The following PITPNB variants were observed in gnomAD, a reference collection of about 807,000 sequenced individuals.
PITPNB encodes phosphatidylinositol transfer protein beta.
PITPNB carries 16 observed loss-of-function variants against 45.9 expected under a neutral mutation model. The ratio of observed to expected loss-of-function variants is 0.35; its 90% CI spans 0.24 to 0.53. The LOEUF is 0.53. Among genes scored for constraint, PITPNB ranks in the 20% least tolerant of loss-of-function variants. The pLI, the probability that PITPNB is intolerant of heterozygous loss-of-function variation, is 0.93. For synonymous variants in PITPNB, 112 were observed against 108.9 expected (o/e 1.03, Z -0.18); for missense variants, 188 against 330.5 (o/e 0.57, Z 3.34).
At chr22:27,895,836 G>A (rs1051338251) in intron 6 of PITPNB, among the ~76,000 whole-genome samples, 1 of 152,150 alleles carries the variant, frequency 6.6e-6, no homozygotes, top group African/African-American at 2.4e-5. Context: ...GGTAGTTCTT[G>A]GGTGAGGTCA....
chr22:27,860,066 T>A (rs1934281651), intron 9 of PITPNB, 65 bp downstream of exon 9: 1 of 865,772 alleles, frequency 1.2e-6, no homozygotes, highest in Non-Finnish European at 2.0e-6. Flanking sequence ...AGAGAAGATA[T>A]CCCATTAATA....
chr22:27,887,936 A>G (rs1412263262), intron 7 of PITPNB, among the ~76,000 whole-genome samples: 1 of 152,086 alleles, frequency 6.6e-6, no homozygotes, highest in East Asian at 1.9e-4. Context: ...AGCAACAGAA[A>G]CCATACAGTT....
At chr22:27,914,277 C>T (rs1936015925) in intron 2 of PITPNB, 40 bp downstream of exon 2, 4 of 1,311,510 alleles carry the variant, frequency 3.0e-6, no homozygotes, top group African/African-American at 1.4e-5. Context: ...AAGTACAGTA[C>T]ATATACCAAT....
intron 11 of PITPNB, 113 bp from the exon 12 acceptor site, chr22:27,853,776 A>T: frequency 1.4e-6 from 1 of 737,170 alleles, no homozygotes; most frequent in Non-Finnish European, 2.4e-6. Flanking sequence ...CAGAAAATGT[A>T]CCCCAACTAC....
At chr22:27,900,029 C>T (rs1044633290) in intron 3 of PITPNB, among the ~76,000 whole-genome samples, 1 of 151,888 alleles carries the variant, frequency 6.6e-6, no homozygotes, top group African/African-American at 2.4e-5. Flanking sequence ...ATGGCAAAAC[C>T]CATCTCTACT....
chr22:27,893,114 C>T (rs756977624), intron 7 of PITPNB, among the ~76,000 whole-genome samples: 15 of 152,166 alleles, frequency 9.9e-5, no homozygotes, highest in Non-Finnish European at 1.8e-4. Context: ...CACGACAAAA[C>T]AAAGGGTACC....
At chr22:27,902,744 G>A (rs1935637758) in intron 3 of PITPNB, among the ~76,000 whole-genome samples, 1 of 152,136 alleles carries the variant, frequency 6.6e-6, no homozygotes, top group African/African-American at 2.4e-5. Context: ...TTAAGAGACA[G>A]GGTCTTGCTG....
At chr22:27,913,084 T>C (rs1156235897) in intron 2 of PITPNB, among the ~76,000 whole-genome samples, 1 of 151,446 alleles carries the variant, frequency 6.6e-6, no homozygotes, top group Non-Finnish European at 1.5e-5. Flanking sequence ...TTCGACAAGC[T>C]GATTCAACCA....
chr22:27,884,157 T>C (rs1214134721), intron 7 of PITPNB, among the ~76,000 whole-genome samples: 1 of 152,064 alleles, frequency 6.6e-6, no homozygotes, highest in African/African-American at 2.4e-5. Flanking sequence ...GAAGGCTGGC[T>C]GCCTGGGGCA....
intron 7 of PITPNB, among the ~76,000 whole-genome samples, chr22:27,888,408 T>C (rs1048994496): frequency 6.6e-6 from 1 of 152,230 alleles, no homozygotes; most frequent in African/African-American, 2.4e-5. Context: ...TAGCAACAGT[T>C]CCACTAATTT....
At chr22:27,869,454 CT>C (rs1934584143) in intron 8 of PITPNB, among the ~76,000 whole-genome samples, 1 of 152,132 alleles carries the variant, frequency 6.6e-6, no homozygotes, top group South Asian at 2.1e-4. Flanking sequence ...TCATCCCCTG[CT>C]AGTGAATCCT....
chr22:27,896,969 A>G (rs1319398731), intron 5 of PITPNB, 161 bp downstream of exon 5: 2 of 681,618 alleles, frequency 2.9e-6, no homozygotes, highest in African/African-American at 3.6e-5. Flanking sequence ...AGGGCCCATG[A>G]ACACTGGGAA....
chr22:27,884,661 C>T (rs780167358), intron 7 of PITPNB, among the ~76,000 whole-genome samples: 24 of 152,168 alleles, frequency 1.6e-4, no homozygotes, highest in Non-Finnish European at 3.4e-4. Flanking sequence ...TCACCATGAA[C>T]TGAAGCATTA....
chr22:27,862,857 C>T (rs1934378851), intron 8 of PITPNB, among the ~76,000 whole-genome samples: 1 of 152,172 alleles, frequency 6.6e-6, no homozygotes, highest in Admixed American at 6.5e-5. Flanking sequence ...GTTGTGGATG[C>T]TGGCTTGGGC....
intron 1 of PITPNB, among the ~76,000 whole-genome samples, chr22:27,916,327 C>T (rs1320150041): frequency 6.6e-6 from 1 of 152,202 alleles, no homozygotes; most frequent in Non-Finnish European, 1.5e-5. Context: ...CAGTATTCAA[C>T]TTTCAGTGCC....
chr22:27,915,090 T>C (rs1303751642), intron 1 of PITPNB, among the ~76,000 whole-genome samples: 1 of 152,152 alleles, frequency 6.6e-6, no homozygotes, highest in East Asian at 1.9e-4. Flanking sequence ...GCATCTTATC[T>C]CTAGATTTTA....
intron 10 of PITPNB, among the ~76,000 whole-genome samples, chr22:27,857,293 GTTTAC>G (rs1368252946): frequency 3.3e-5 from 5 of 152,230 alleles, no homozygotes; most frequent in South Asian, 4.1e-4. Context: ...TCTGCCTATA[GTTTAC>G]TTTATGTATA....
At chr22:27,878,305 C>G (rs1490372117) in intron 7 of PITPNB, among the ~76,000 whole-genome samples, 2 of 152,086 alleles carry the variant, frequency 1.3e-5, no homozygotes, top group African/African-American at 2.4e-5. Context: ...ACTGTTGACC[C>G]TAATGCCAAA....
At position 27,901,695 on chromosome 22, in the gene PITPNB, C is replaced by T. The variant is rs911923848; in HGVS notation, c.198-3803G>A. On this transcript the variant is annotated intron_variant, in intron 3 of 11. Transcript: ENST00000335272. The stretch of plus-strand genomic sequence containing the variant: ...GGTTGGGAGTTCGAGACCAGCCTGG[C>T]CAACATGATGAAACCCTGTGTCTAC... Among the ~76,000 whole-genome samples, 13 of 152,074 alleles carry T rather than the reference C, an allele frequency of 8.5e-5. No homozygotes were observed. In the South Asian group the frequency reaches 2.7e-3, roughly 32 times the overall value.
Sources: allele counts gnomAD v4.1 joint callset (sites outside exome capture counted in the v4.1 genomes callset), GRCh38; gene constraint gnomAD v4.1.1; transcripts MANE v1.5; gene names NCBI Gene and HGNC (gene_info 2026-07-23, HGNC 2026-07-21).